STX5: variants seen among roughly 807,000 people sequenced by gnomAD.
The protein encoded by STX5 is syntaxin-5.
In STX5, 15 loss-of-function variants were observed where a neutral mutation model predicts 42.9. That is an observed-to-expected ratio of 0.35 (90% CI 0.23 to 0.54). The LOEUF (loss-of-function observed/expected upper bound fraction) is 0.54. Among genes scored for constraint, STX5 ranks in the 20% least tolerant of loss-of-function variants. The pLI, the probability that STX5 is intolerant of heterozygous loss-of-function variation, is 0.91. For synonymous variants in STX5, 184 were observed against 173.2 expected (o/e 1.06, Z -0.49); for missense variants, 430 against 455.0 (o/e 0.95, Z 0.50).
At chr11:62,817,051 G>A (rs983725959) in intron 10 of STX5, among the ~76,000 whole-genome samples, 1 of 151,740 alleles carries the variant, frequency 6.6e-6, no homozygotes, top group Non-Finnish European at 1.5e-5. Flanking sequence ...TGCAACCTCA[G>A]CCTCCTGGGG....
In STX5 at chr11:62,827,643, T is replaced by C; in HGVS notation, c.226-12A>G. On this transcript the variant is annotated splice_polypyrimidine_tract_variant and intron_variant, in intron 2 of 10. Coordinates refer to ENST00000294179, the MANE Select transcript of STX5 (RefSeq NM_003164.5). ...GTCTGGATTCCATTCTGAAAAGCAA[T>C]GGCAGGAGGTGACAACTTTAGTTCT... 6.2e-7 allele frequency: 1 copy of C among 1,614,152 alleles called. No individual in the cohort carries two copies. The highest frequency in any genetic ancestry group is 8.5e-7 in the Non-Finnish European group (1 of 1,180,028).
At chr11:62,809,706 G>C (rs1318617058) in intron 10 of STX5, among the ~76,000 whole-genome samples, 1 of 50,952 alleles carries the variant, frequency 2.0e-5, no homozygotes, top group Non-Finnish European at 4.3e-5. Flanking sequence ...AAAAAAAAAA[G>C]ACATTATGGC....
intron 10 of STX5, among the ~76,000 whole-genome samples, chr11:62,820,799 T>C (rs76706217): frequency 0.085 from 12,844 of 151,870 alleles, 676 homozygotes; most frequent in East Asian, 0.15. Context: ...CGTGAGCCAC[T>C]GCACCCGGCA....
intron 10 of STX5, among the ~76,000 whole-genome samples, chr11:62,811,897 A>T (rs140472009): frequency 6.6e-6 from 1 of 152,214 alleles, no homozygotes; most frequent in East Asian, 1.9e-4. Flanking sequence ...TTTTATCCTC[A>T]GACCCAGCAG....
chr11:62,812,848 C>G (rs2084633391), intron 10 of STX5, among the ~76,000 whole-genome samples: 1 of 151,752 alleles, frequency 6.6e-6, no homozygotes. Context: ...TGCGGTGGCT[C>G]ACGCCTGTAA....
intron 10 of STX5, among the ~76,000 whole-genome samples, chr11:62,815,775 G>A (rs2084666805): frequency 6.6e-6 from 1 of 152,116 alleles, no homozygotes; most frequent in African/African-American, 2.4e-5. Context: ...GACCTCAGGT[G>A]ATCCGCCCGC....
rs188073828 is a variant in STX5, at chr11:62,809,245, G to A, written c.909-1617C>T. ...GGAGCTTGCAGTGAGCCGAGATCGT[G>A]CCACTGCACTCCAGCCTGGGTGACA... On this transcript the variant is annotated intron_variant, in intron 10 of 10. Coordinates refer to ENST00000294179, the MANE Select transcript of STX5 (RefSeq NM_003164.5). 5.8e-3 allele frequency among the ~76,000 whole-genome samples: 808 copies of A among 140,116 alleles called. 4 individuals are homozygous for A. The highest frequency in any genetic ancestry group is 7.5e-3 in the Non-Finnish European group (494 of 65,552). The allele number at this position is 140,116 out of a possible 152,430, so 91.9% of individuals were successfully genotyped here.
chr11:62,818,680 C>T (rs962249260), intron 10 of STX5, among the ~76,000 whole-genome samples: 18 of 148,322 alleles, frequency 1.2e-4, no homozygotes, highest in African/African-American at 4.0e-4. Flanking sequence ...GTGAGATCCC[C>T]GTCTCTACCA....
intron 10 of STX5, among the ~76,000 whole-genome samples, chr11:62,812,925 A>G (rs2084634409): frequency 6.6e-6 from 1 of 151,490 alleles, no homozygotes; most frequent in African/African-American, 2.4e-5. Context: ...CAGCCTGGCC[A>G]ATATGGTGAC....
At chr11:62,821,625 G>A (rs1463298827) in intron 10 of STX5, among the ~76,000 whole-genome samples, 3 of 152,136 alleles carry the variant, frequency 2.0e-5, no homozygotes, top group Admixed American at 6.5e-5. Context: ...TCGGGAGGCT[G>A]AGGCAGGAGA....
chr11:62,825,451 T>A lies in STX5; in HGVS notation c.512A>T (p.His171Leu). ...CAAGGAGACCACAATGGTGTTGGAGTGGGTCTGCAGGTGCCGGCCACTCTG... is the reference window on the plus strand; with the variant it reads ...CAAGGAGACCACAATGGTGTTGGAGAGGGTCTGCAGGTGCCGGCCACTCTG... ...GSQSGRHLQT[H>L]SNTIVVSLQS... Residue 171 changes from histidine (H) to leucine (L), a missense_variant, in exon 6 of 11, where the codon CAC (histidine) becomes CTC (leucine). His to Leu is a moderately conservative substitution (Grantham distance 99). Transcript: ENST00000294179. 1 of 1,613,720 alleles carries A rather than the reference T, an allele frequency of 6.2e-7. No individual in the cohort carries two copies. Among genetic ancestry groups the A allele is most frequent in the Non-Finnish European group, 8.5e-7 (1 of 1,180,000 alleles).
intron 10 of STX5, among the ~76,000 whole-genome samples, chr11:62,818,972 C>A (rs1243056779): frequency 2.6e-5 from 4 of 151,776 alleles, no homozygotes; most frequent in Non-Finnish European, 4.4e-5. Flanking sequence ...GTAATCCCAG[C>A]ACTTTGGGAG....
chr11:62,809,811 AAG>A (rs778632568), intron 10 of STX5, among the ~76,000 whole-genome samples: 8 of 151,808 alleles, frequency 5.3e-5, no homozygotes, highest in Non-Finnish European at 1.2e-4. Context: ...CGGCAAAAGA[AAG>A]AGGGGAAAGG....
At position 62,807,864 on chromosome 11, in the gene STX5, C is replaced by T; in HGVS notation, c.909-236G>A. On this transcript the variant is annotated intron_variant, in intron 10 of 10. Transcript: ENST00000294179. The stretch of plus-strand genomic sequence containing the variant: ...TTAGTCTAACTTCAAGCTTCATTTT[C>T]CTCACCGGCAAAATGAGGATAACCC... 4.6e-6 allele frequency: 3 copies of T among 658,784 alleles called. No individual in the cohort carries two copies. The East Asian group carries it at 9.3e-5, about 20-fold the overall frequency. 40.8% of individuals were successfully genotyped at this position (658,784 alleles called of 1,614,324 possible).
Position 62,827,192 on chromosome 11 carries a change from G to C in STX5, c.386C>G (p.Ala129Gly). The change falls in exon 5 of 11, where the codon GCA becomes GGA. Residue 129 changes from alanine (A) to glycine (G), a missense_variant. By Grantham distance (60) the Ala-to-Gly change is moderately conservative. Transcript: ENST00000294179. ...AKRKSLFDDK[A>G]VEIEELTYII... is the part of the protein sequence containing the mutation. The stretch of plus-strand genomic sequence containing the variant: ...ATATGTTAGCTCTTCAATTTCCACT[G>C]CTTTATCATCAAAGAGGGACTTGCG... 6.2e-7 allele frequency: 1 copy of C among 1,614,170 alleles called. No individual in the cohort carries two copies. The highest frequency in any genetic ancestry group is 8.5e-7 in the Non-Finnish European group (1 of 1,180,022).
intron 2 of STX5, among the ~76,000 whole-genome samples, chr11:62,828,354 C>T (rs985202200): frequency 1.3e-5 from 2 of 152,168 alleles, no homozygotes; most frequent in African/African-American, 2.4e-5. Flanking sequence ...CTCACGCAAT[C>T]CTCCCACCTC....
chr11:62,821,628 G>A (rs112675500), intron 10 of STX5, among the ~76,000 whole-genome samples: 2 of 152,266 alleles, frequency 1.3e-5, no homozygotes, highest in African/African-American at 2.4e-5. Context: ...GGAGGCTGAG[G>A]CAGGAGAATT....
At chr11:62,813,572 C>A (rs1466558087) in intron 10 of STX5, among the ~76,000 whole-genome samples, 1 of 152,122 alleles carries the variant, frequency 6.6e-6, no homozygotes, top group Middle Eastern at 3.2e-3. Flanking sequence ...GTTCAGAAAC[C>A]GGCTTTATAC....
chr11:62,825,816 T>C (rs2084789403), intron 5 of STX5, among the ~76,000 whole-genome samples: 1 of 152,190 alleles, frequency 6.6e-6, no homozygotes, highest in Non-Finnish European at 1.5e-5. Flanking sequence ...CCCTGCTCCA[T>C]TCTGTGAGGC....
Sources: gnomAD v4.1 joint callset for allele counts (sites outside exome capture counted in the v4.1 genomes callset) on GRCh38, gnomAD v4.1.1 for gene constraint, MANE v1.5 for transcripts, NCBI Gene and HGNC (gene_info 2026-07-23, HGNC 2026-07-21) for gene names.